The following DMPK variants were observed in gnomAD, a reference collection of about 807,000 sequenced individuals.
The protein encoded by DMPK is myotonin-protein kinase.
In DMPK, 32 loss-of-function variants were observed where a neutral mutation model predicts 70.3. The ratio of observed to expected loss-of-function variants is 0.46; its 90% CI spans 0.34 to 0.61. The LOEUF (loss-of-function observed/expected upper bound fraction) is 0.61. Ranked by LOEUF, DMPK falls within the 20% of genes least tolerant of loss-of-function variation. The pLI, the probability that DMPK is intolerant of heterozygous loss-of-function variation, is 0.01. For synonymous variants in DMPK, 469 were observed against 390.9 expected, an observed-to-expected ratio of 1.20 and a Z score of -2.36; for missense variants, 899 against 886.0, an observed-to-expected ratio of 1.01 and a Z score of -0.19.
Position 45,780,266 on chromosome 19 carries a change from A to C in DMPK, c.161-397T>G. 15 of 1,509,198 alleles carry C rather than the reference A, an allele frequency of 9.9e-6. No homozygotes were observed. The South Asian group carries it at 1.8e-4, about 18-fold the overall frequency. The allele number at this position is 1,509,198 out of a possible 1,614,324, so 93.5% of individuals were successfully genotyped here. On this transcript the variant is annotated intron_variant, in intron 1 of 14. Coordinates refer to ENST00000291270, the MANE Select transcript of DMPK (RefSeq NM_004409.5). The stretch of plus-strand genomic sequence containing the variant: ...CAGGTGCAGCCAGGGCCCCACCCCC[A>C]CGTTCTCATGTAGAATGTCCTGGGT...
intron 9 of DMPK, among the ~76,000 whole-genome samples, chr19:45,773,321 T>C (rs1969581757): frequency 6.6e-6 from 1 of 152,298 alleles, no homozygotes; most frequent in East Asian, 1.9e-4. Context: ...GCGCCTGGGT[T>C]CTAATAGAGG....
At position 45,782,261 on chromosome 19, in the gene DMPK, C is replaced by A. The variant is rs778994221; in HGVS notation, c.92G>T (p.Gly31Val). ...GLEPLLDLLL[G>V]VHQELGASEL... Reference sequence around the variant, plus strand: ...GGAGGCGCCCAGCTCCTGGTGGACGCCCAGGAGAAGGTCGAGCAGGGGCTC... The same window carrying A: ...GGAGGCGCCCAGCTCCTGGTGGACGACCAGGAGAAGGTCGAGCAGGGGCTC... The change falls in exon 1 of 15, where the codon GGC (glycine) becomes GTC (valine). Residue 31 changes from glycine (G) to valine (V), a missense_variant. Gly to Val is a moderately radical substitution (Grantham distance 109). This residue lies in a region of DMPK where 149 missense variants were observed against 142.5 expected (regional missense o/e 1.05). Transcript: ENST00000291270. The A allele has an allele frequency of 6.2e-7, 1 of 1,609,310 alleles. No individual in the cohort carries two copies. The highest frequency in any genetic ancestry group is 8.5e-7 in the Non-Finnish European group (1 of 1,178,512).
chr19:45,771,243 C>G, intron 13 of DMPK, 107 bp downstream of exon 13: 1 of 1,450,352 alleles, frequency 6.9e-7, no homozygotes, highest in Admixed American at 2.3e-5. Flanking sequence ...TCTAAAGTCG[C>G]AAAGACGTAG....
At position 45,770,502 on chromosome 19, in the gene DMPK, C is replaced by CG; in HGVS notation, c.1875dup (p.Ala626ArgfsTer20). On this transcript the variant is annotated frameshift_variant, in exon 15 of 15. Coordinates refer to ENST00000291270, the MANE Select transcript of DMPK (RefSeq NM_004409.5). LOFTEE classifies it high-confidence loss of function. Reference sequence around the variant, plus strand: ...AGTTCTAGGGTTCAGGGAGCGCGGGCGGCTCCTGGGCGGCGCCAGACTGCG... The same window carrying CG: ...AGTTCTAGGGTTCAGGGAGCGCGGGCGGGCTCCTGGGCGGCGCCAGACTGCG... 11 of 1,550,278 alleles carry CG rather than the reference C, an allele frequency of 7.1e-6. No homozygotes were observed. Among genetic ancestry groups the CG allele is most frequent in the Non-Finnish European group, 9.6e-6 (11 of 1,146,750 alleles).
chr19:45,771,187 G>A, intron 13 of DMPK, 127 bp from the exon 14 acceptor site: 2 of 1,181,020 alleles, frequency 1.7e-6, no homozygotes, highest in Non-Finnish European at 1.2e-6. Context: ...AATCTGGTGA[G>A]GCCTGAACGG....
chr19:45,772,665 G>A lies in DMPK; in HGVS notation c.1320C>T (p.Pro440=). 6.5e-7 allele frequency: 1 copy of A among 1,541,396 alleles called. No individual in the cohort carries two copies. Among genetic ancestry groups the A allele is most frequent in the Admixed American group, 2.3e-5 (1 of 44,270 alleles). ...CTGTTTCATCCTGTGGGGACACCGA[G>A]GGCTCCAGGCTGGGCGCTTGCACGT... The part of the protein sequence containing the change: ...EPHVQAPSLE[P]SVSPQDETAE... Residue 440 remains proline, a synonymous_variant, in exon 10 of 15, where the codon CCC becomes CCT. Transcript: ENST00000291270.
In DMPK at chr19:45,781,682, C is replaced by A. The variant is rs1002093260; in HGVS notation, c.160+511G>T. On this transcript the variant is annotated intron_variant, in intron 1 of 14. Coordinates refer to ENST00000291270, the MANE Select transcript of DMPK (RefSeq NM_004409.5). ...CACAGGGCCCGCGTGAGTCACCGCCCTCCCAGTGCCTGGGCACCTGTTGGG... is the reference window on the plus strand; with the variant it reads ...CACAGGGCCCGCGTGAGTCACCGCCATCCCAGTGCCTGGGCACCTGTTGGG... Among the ~76,000 whole-genome samples the A allele has an allele frequency of 3.3e-5, 5 of 152,194 alleles. No individual in the cohort carries two copies. In the East Asian group the frequency reaches 9.6e-4, roughly 29 times the overall value.
At position 45,775,431 on chromosome 19, in the gene DMPK, G is replaced by C. The variant is rs560663357; in HGVS notation, c.1147-397C>G. 4.3e-5 allele frequency among the ~76,000 whole-genome samples: 2 copies of C among 46,858 alleles called. 1 individual carries two copies. Among genetic ancestry groups the C allele is most frequent in the South Asian group, 2.5e-3 (2 of 802 alleles). The allele number at this position is 46,858 out of a possible 152,430, so 30.7% of individuals were successfully genotyped here. On this transcript the variant is annotated intron_variant, in intron 8 of 14. Transcript: ENST00000291270. ...TGATCCGCCTACCTCAGCTGTTGTA[G>C]TCCCAAACTCTGGGCTCAAGCAGTC...
Position 45,779,792 on chromosome 19 carries a change from C to A in DMPK, c.238G>T (p.Gly80Trp). 1.3e-6 allele frequency: 2 copies of A among 1,564,256 alleles called. No homozygotes were observed. The highest frequency in any genetic ancestry group is 1.2e-5 in the South Asian group (1 of 83,016). The change falls in exon 2 of 15, where the codon GGG becomes TGG. Residue 80 changes from glycine to tryptophan, a missense_variant. Transcript: ENST00000291270. ...DFEILKVIGRGAFSEVAVVKM... is the reference protein window; with the variant it reads ...DFEILKVIGRWAFSEVAVVKM... ...GTTCGGCTTACCTCGCTGAACGCCCCGCGTCCGATCACCTTCAGAATCTCG... is the reference window on the plus strand; with the variant it reads ...GTTCGGCTTACCTCGCTGAACGCCCAGCGTCCGATCACCTTCAGAATCTCG...
chr19:45,781,775 C>T (rs1366204347), intron 1 of DMPK, among the ~76,000 whole-genome samples: 2 of 152,204 alleles, frequency 1.3e-5, no homozygotes, highest in African/African-American at 2.4e-5. Context: ...CCCATGCTGG[C>T]CCTCCTGGCT....
At chr19:45,778,817 C>A in intron 4 of DMPK, 176 bp from the exon 5 acceptor site, 1 of 637,614 alleles carries the variant, frequency 1.6e-6, no homozygotes, top group Non-Finnish European at 2.6e-6. Flanking sequence ...GCGGCCCCCG[C>A]CCCCGCCCCT....
In DMPK at chr19:45,778,220, C is replaced by T; in HGVS notation, c.582G>A (p.Arg194=). The change falls in exon 6 of 15, where the codon AGG becomes AGA. Residue 194 remains arginine, a splice_region_variant and synonymous_variant. Transcript: ENST00000291270. The part of the protein sequence containing the change: ...DSVHRLGYVH[R]DIKPDNILLD... ...GCAGGATGTTGTCGGGTTTGATGTC[C>T]CTGCACGGAGGAAAAGAGAAGGGTG... 3 of 1,612,826 alleles carry T rather than the reference C, an allele frequency of 1.9e-6. No individual in the cohort carries two copies. The highest frequency in any genetic ancestry group is 1.1e-5 in the South Asian group (1 of 90,874).
rs139724884 is a variant in DMPK at position 45,777,514 on chromosome 19, G to T, written c.959C>A (p.Pro320His). 7 of 1,613,576 alleles carry T rather than the reference G, an allele frequency of 4.3e-6. No individual in the cohort carries two copies. The highest frequency in any genetic ancestry group is 5.9e-6 in the Non-Finnish European group (7 of 1,180,026). The change falls in exon 8 of 15, where the codon CCC becomes CAC. Residue 320 changes from proline (P) to histidine (H), a missense_variant. Coordinates refer to ENST00000291270, the MANE Select transcript of DMPK (RefSeq NM_004409.5). The surrounding 1 kb of genome is among the most constrained non-coding windows in gnomAD (Gnocchi z 6.7). The stretch of plus-strand genomic sequence containing the variant: ...ACCCCGGCCCAGCCGTGTCTCCGGG[G>T]GACACAGCAACCGCTGAATGAAGTC... ...ARDFIQRLLCPPETRLGRGGA... is the reference protein window; with the variant it reads ...ARDFIQRLLCHPETRLGRGGA...
At position 45,772,734 on chromosome 19, in the gene DMPK, G is replaced by A; in HGVS notation, c.1251C>T (p.Gly417=). 6.7e-7 allele frequency: 1 copy of A among 1,503,714 alleles called. No homozygotes were observed. Among genetic ancestry groups the A allele is most frequent in the Non-Finnish European group, 8.8e-7 (1 of 1,137,198 alleles). The allele number at this position is 1,503,714 out of a possible 1,614,324, so 93.1% of individuals were successfully genotyped here. A position where few individuals can be genotyped will look rare whatever the true frequency, so the allele number is the denominator to read the frequency against. Residue 417 remains glycine (G), a synonymous_variant, in exon 10 of 15, where the codon GGC becomes GGT. Transcript: ENST00000291270. The part of the protein sequence containing the change: ...CMALRDSEVP[G]PTPMELEAEQ... The stretch of plus-strand genomic sequence containing the variant: ...CGGCCTCCAGTTCCATGGGTGTGGG[G>A]CCTGGGACCTCACTGTCCCTGGGGA...
rs187454872 is a variant in DMPK, at chr19:45,771,915, A to G, written c.1358T>C (p.Val453Ala). 6.0e-5 allele frequency: 95 copies of G among 1,595,494 alleles called. 1 individual carries two copies. Among genetic ancestry groups the G allele is most frequent in the Non-Finnish European group, 7.9e-5 (92 of 1,171,088 alleles). Reference sequence around the variant, plus strand: ...CTCTGCCGCAGGGACAGCCGCTGGAACTGCCACTTCAGCCTGTGTATGGGG... The same window carrying G: ...CTCTGCCGCAGGGACAGCCGCTGGAGCTGCCACTTCAGCCTGTGTATGGGG... ...SPQDETAEVA[V>A]PAAVPAAEAE... The change falls in exon 11 of 15, where the codon GTT becomes GCT. Residue 453 changes from valine (V) to alanine (A), a missense_variant. Val to Ala is a moderately conservative substitution (Grantham distance 64). Around this residue, in one of 3 missense-constraint regions of DMPK, gnomAD observed 555 missense variants for 483.8 expected, o/e 1.15. Transcript: ENST00000291270.
chr19:45,780,100 T>C (rs1189925906), intron 1 of DMPK: 1 of 1,485,526 alleles, frequency 6.7e-7, no homozygotes, highest in East Asian at 2.5e-5. Context: ...GGACAGGGCA[T>C]TGGCCCAGAG....
intron 3 of DMPK, 29 bp from the exon 4 acceptor site, chr19:45,779,388 G>A (rs560430710): frequency 2.4e-5 from 39 of 1,613,926 alleles, no homozygotes; most frequent in Admixed American, 3.3e-5. Context: ...AGCTGCAGCC[G>A]GAGACGGGGC....
At chr19:45,774,912 C>G in intron 9 of DMPK, 37 bp downstream of exon 9, 1 of 1,549,922 alleles carries the variant, frequency 6.5e-7, no homozygotes, top group Non-Finnish European at 8.9e-7. Flanking sequence ...CTCAAGCAGC[C>G]TCGTGGCCCC....
rs370717859 is a variant in DMPK at position 45,771,385 on chromosome 19, C to T, written c.1612G>A (p.Val538Ile). ...QAEGATAVTG[V>I]PSPRATDPPS... is the part of the protein sequence containing the mutation. ...GGATCCGTGGCCCGGGGACTGGGGA[C>T]CCCCGTGACAGCTGGAAGGAGAAGA... The change falls in exon 13 of 15, where the codon GTC becomes ATC. Residue 538 changes from valine to isoleucine, a missense_variant. Around this residue, in one of 3 missense-constraint regions of DMPK, gnomAD observed 555 missense variants for 483.8 expected, o/e 1.15. Coordinates refer to ENST00000291270, the MANE Select transcript of DMPK (RefSeq NM_004409.5). 3.4e-5 allele frequency: 55 copies of T among 1,604,890 alleles called. 1 individual carries two copies. In the African/African-American group the frequency reaches 6.2e-4, roughly 18 times the overall value.
Sources: gnomAD v4.1 joint callset for allele counts (sites outside exome capture counted in the v4.1 genomes callset) on GRCh38, gnomAD v4.1.1 for gene constraint, gnomAD v4.1.1 regional missense constraint, Gnocchi (gnomAD v3.1) non-coding constraint, MANE v1.5 for transcripts, NCBI Gene and HGNC (gene_info 2026-07-23, HGNC 2026-07-21) for gene names.